ERG: variants seen among roughly 807,000 people sequenced by gnomAD.
ERG encodes ETS transcription factor ERG, also known as transcriptional regulator ERG.
Under a neutral mutation model 55.3 loss-of-function variants are expected in ERG, and 9 were observed. That is an observed-to-expected ratio of 0.16 (90% CI 0.10 to 0.28). The LOEUF is 0.28. ERG is among the 10% of genes least tolerant of loss of function. The pLI is 1.00. For missense variants in ERG, 434 were observed against 631.6 expected (o/e 0.69, Z 3.35); for synonymous variants, 223 against 237.3 (o/e 0.94, Z 0.55).
intron 1 of ERG, among the ~76,000 whole-genome samples, chr21:38,610,640 C>T (rs2060221433): frequency 6.6e-6 from 1 of 152,202 alleles, no homozygotes; most frequent in Non-Finnish European, 1.5e-5. Flanking sequence ...TGTACCAGTG[C>T]TTAAAGACAA....
intron 2 of ERG, among the ~76,000 whole-genome samples, chr21:38,535,288 G>A (rs1166319691): frequency 6.6e-6 from 1 of 152,132 alleles, no homozygotes; most frequent in African/African-American, 2.4e-5. Context: ...CAGAACACGG[G>A]GAGTGTTGAT....
chr21:38,552,140 T>C (rs557790375), intron 2 of ERG, among the ~76,000 whole-genome samples: 2 of 152,128 alleles, frequency 1.3e-5, no homozygotes, highest in Non-Finnish European at 2.9e-5. Flanking sequence ...AAGTCTGAAA[T>C]TGAAACGCTG....
At chr21:38,553,886 TACAG>T (rs56020149) in intron 2 of ERG, among the ~76,000 whole-genome samples, 73,821 of 151,418 alleles carry the variant, frequency 0.49, 19,675 homozygotes, top group Non-Finnish European at 0.62. Context: ...CAATAGAGTA[TACAG>T]ACAATGTACA....
rs35001409 is a variant in ERG at position 38,418,927 on chromosome 21, CAAAAAAAAAAAAAAA to C, written c.388+4468_388+4482del. Among the ~76,000 whole-genome samples, 6 of 80,898 alleles carry C rather than the reference CAAAAAAAAAAAAAAA, an allele frequency of 7.4e-5. No homozygotes were observed. The South Asian group carries it at 1.4e-3, about 19-fold the overall frequency. The allele number at this position is 80,898 out of a possible 152,430, so 53.1% of individuals were successfully genotyped here. On this transcript the variant is annotated intron_variant, in intron 3 of 9. Transcript: ENST00000288319. ...GGGGAACAAGAGCGAGACTTTGTCT[CAAAAAAAAAAAAAAA>C]AAAAAAAAGAAAGAAAGAAAAAGAA...
chr21:38,551,432 G>A (rs1166225302), intron 2 of ERG, among the ~76,000 whole-genome samples: 25 of 152,132 alleles, frequency 1.6e-4, no homozygotes, highest in Admixed American at 1.6e-3. Context: ...TCCTCCAGGT[G>A]TGACATTAGG....
At chr21:38,557,845 T>G (rs2059867803) in intron 2 of ERG, among the ~76,000 whole-genome samples, 1 of 152,164 alleles carries the variant, frequency 6.6e-6, no homozygotes, top group South Asian at 2.1e-4. Context: ...ATATTAACCC[T>G]TCTTCTTGCT....
At chr21:38,625,430 A>T (rs903134384) in intron 1 of ERG, among the ~76,000 whole-genome samples, 16 of 152,258 alleles carry the variant, frequency 1.1e-4, no homozygotes, top group African/African-American at 3.1e-4. Flanking sequence ...TCATTGTACC[A>T]TTAGTTTTTA....
intron 2 of ERG, among the ~76,000 whole-genome samples, chr21:38,511,238 A>G (rs2059509195): frequency 6.6e-6 from 1 of 152,238 alleles, no homozygotes; most frequent in Non-Finnish European, 1.5e-5. Flanking sequence ...ACATTTGAAC[A>G]TTCAATCAAT....
intron 1 of ERG, among the ~76,000 whole-genome samples, chr21:38,485,483 T>G (rs919103718): frequency 1.4e-5 from 2 of 141,808 alleles, no homozygotes; most frequent in Non-Finnish European, 3.1e-5. Flanking sequence ...TTTTTTGAGA[T>G]GGAGTCTCGC....
chr21:38,566,504 G>A (rs896422600), intron 2 of ERG, among the ~76,000 whole-genome samples: 1 of 152,136 alleles, frequency 6.6e-6, no homozygotes, highest in African/African-American at 2.4e-5. Flanking sequence ...TATTGACTCC[G>A]ATTCCTAAGT....
chr21:38,620,197 G>C (rs1221244263), intron 1 of ERG, among the ~76,000 whole-genome samples: 1 of 152,222 alleles, frequency 6.6e-6, no homozygotes, highest in Non-Finnish European at 1.5e-5. Flanking sequence ...GTCTTCTGCT[G>C]TTTGGCTCTT....
chr21:38,380,752 T>TG lies in ERG; in HGVS notation c.*2650dup. 2 of 1,064,912 alleles carry TG rather than the reference T, an allele frequency of 1.9e-6. No homozygotes were observed. The highest frequency in any genetic ancestry group is 1.6e-5 in the African/African-American group (1 of 61,140). 66.0% of individuals were successfully genotyped at this position (1,064,912 alleles called of 1,614,324 possible). A position where few individuals can be genotyped will look rare whatever the true frequency, so the allele number is the denominator to read the frequency against. Reference sequence around the variant, plus strand: ...CATAAGACTTGCTAATAACCTGGACTGGGGGTGGAGGGTTGAGGGATCTAA... The same window carrying TG: ...CATAAGACTTGCTAATAACCTGGACTGGGGGGTGGAGGGTTGAGGGATCTAA... On this transcript the variant is annotated 3_prime_UTR_variant, in exon 10 of 10. Transcript: ENST00000288319.
intron 1 of ERG, among the ~76,000 whole-genome samples, chr21:38,599,381 T>A (rs1209731549): frequency 6.6e-6 from 1 of 152,180 alleles, no homozygotes; most frequent in African/African-American, 2.4e-5. Context: ...TGGGGCAATG[T>A]CACTGCAAGA....
intron 2 of ERG, among the ~76,000 whole-genome samples, chr21:38,555,666 A>G (rs1459189341): frequency 5.9e-5 from 9 of 152,198 alleles, no homozygotes; most frequent in African/African-American, 1.7e-4. Context: ...TCAAGTCCAC[A>G]TGGAAAAATG....
At chr21:38,487,989 C>T (rs2059302295) in intron 1 of ERG, among the ~76,000 whole-genome samples, 1 of 152,154 alleles carries the variant, frequency 6.6e-6, no homozygotes, top group Admixed American at 6.5e-5. Context: ...ATGACAGCAT[C>T]TCACCATGTC....
At chr21:38,528,829 C>T (rs1286848486) in intron 2 of ERG, among the ~76,000 whole-genome samples, 1 of 151,790 alleles carries the variant, frequency 6.6e-6, no homozygotes, top group Non-Finnish European at 1.5e-5. Context: ...CAAGATTTAG[C>T]CAGTTTTTTA....
chr21:38,615,214 G>T (rs1057417519), intron 1 of ERG, among the ~76,000 whole-genome samples: 1 of 152,134 alleles, frequency 6.6e-6, no homozygotes, highest in Non-Finnish European at 1.5e-5. Context: ...ACTGCCTTTA[G>T]AATTAAACTG....
intron 1 of ERG, among the ~76,000 whole-genome samples, chr21:38,633,400 GA>G (rs201874376): frequency 1.3e-5 from 2 of 151,814 alleles, no homozygotes; most frequent in Non-Finnish European, 2.9e-5. Flanking sequence ...TACCATAATA[GA>G]AAAAAAATCA....
intron 2 of ERG, among the ~76,000 whole-genome samples, chr21:38,445,067 A>G (rs1039119876): frequency 3.3e-5 from 5 of 151,558 alleles, no homozygotes; most frequent in African/African-American, 1.2e-4. Flanking sequence ...TACACAAACC[A>G]CTGGAGAACA....
Sources: gnomAD v4.1 joint callset for allele counts (sites outside exome capture counted in the v4.1 genomes callset) on GRCh38, gnomAD v4.1.1 for gene constraint, MANE v1.5 for transcripts, NCBI Gene and HGNC (gene_info 2026-07-23, HGNC 2026-07-21) for gene names.